HAS3: variants seen among roughly 807,000 people sequenced by gnomAD.
HAS3 encodes hyaluronan synthase 3, also known as HA synthase 3.
A neutral mutation model predicts 50.3 loss-of-function variants in HAS3; 27 were observed. The observed-to-expected ratio is 0.54, with a 90% confidence interval of 0.40 to 0.74. The LOEUF (loss-of-function observed/expected upper bound fraction) is 0.74. Among genes scored for constraint, HAS3 ranks in the 30% least tolerant of loss-of-function variants. The probability of loss-of-function intolerance (pLI) is 0.00; values close to 1 mark genes in which losing one functional copy is unlikely to be tolerated. For synonymous variants in HAS3, 339 were observed against 310.9 expected (o/e 1.09, Z -0.95); for missense variants, 517 against 742.8 (o/e 0.70, Z 3.53).
At chr16:69,112,961 A>G (rs374766112) in intron 2 of HAS3, among the ~76,000 whole-genome samples, 55 of 152,320 alleles carry the variant, frequency 3.6e-4, no homozygotes, top group African/African-American at 1.3e-3. Context: ...GGTGCCTGCA[A>G]GTAGGTAGTC....
In HAS3 at chr16:69,115,231, C is replaced by T. The variant is rs756362947; in HGVS notation, c.1627C>T (p.Pro543Ser). The change falls in exon 4 of 4, where the codon CCG (proline) becomes TCG (serine). Residue 543 changes from proline (P) to serine (S), a missense_variant. Coordinates refer to ENST00000569188, the MANE Select transcript of HAS3 (RefSeq NM_001199280.2). ...AIIARRCGKK[P>S]EQYSLAFAEV ...CATCGCCCGGCGATGTGGGAAGAAG[C>T]CGGAGCAGTACAGCTTGGCTTTTGC... 6.5e-7 allele frequency: 1 copy of T among 1,542,520 alleles called. No individual in the cohort carries two copies. The highest frequency in any genetic ancestry group is 1.3e-5 in the South Asian group (1 of 78,210).
intron 1 of HAS3, among the ~76,000 whole-genome samples, chr16:69,108,039 C>G (rs567477836): frequency 9.2e-5 from 14 of 152,296 alleles, no homozygotes; most frequent in Admixed American, 2.0e-4. Context: ...TTTCCTGAGA[C>G]CTAAGAGTTG....
Position 69,116,305 on chromosome 16 carries a change from A to T in HAS3, c.*1039A>T, listed in dbSNP as rs1215740003. 7 of 985,682 alleles carry T rather than the reference A, an allele frequency of 7.1e-6. No individual in the cohort carries two copies. Among genetic ancestry groups the T allele is most frequent in the Admixed American group, 6.1e-5 (1 of 16,268 alleles). The allele number at this position is 985,682 out of a possible 1,614,324, so 61.1% of individuals were successfully genotyped here. On this transcript the variant is annotated 3_prime_UTR_variant, in exon 4 of 4. Coordinates refer to ENST00000569188, the MANE Select transcript of HAS3 (RefSeq NM_001199280.2). ...ATTGGGGCGGAGCCCCGGCTCTTAT[A>T]GAAGCTTCAGCAGGAGGCAAGCGTG... is the stretch of plus-strand genomic sequence containing the variant.
At position 69,107,394 on chromosome 16, in the gene HAS3, G is replaced by A. The variant is rs2152254805; in HGVS notation, c.-1+1607G>A. ...GGCACACTTTGCCAAGGTAGCTGGG[G>A]TACCAGGAAGAGCAGGGCCTGGTCC... On this transcript the variant is annotated intron_variant, in intron 1 of 3. Coordinates refer to ENST00000569188, the MANE Select transcript of HAS3 (RefSeq NM_001199280.2). This position sits in a 1 kb window ranked among gnomAD's most constrained non-coding sequence, Gnocchi z 5.5. 1.0e-6 allele frequency: 1 copy of A among 985,456 alleles called. No individual in the cohort carries two copies. Among genetic ancestry groups the A allele is most frequent in the Non-Finnish European group, 1.2e-6 (1 of 829,930 alleles). The allele number at this position is 985,456 out of a possible 1,614,324, so 61.0% of individuals were successfully genotyped here.
In HAS3 at chr16:69,115,581, G is replaced by C. The variant is rs547255096; in HGVS notation, c.*315G>C. 114 of 1,077,574 alleles carry C rather than the reference G, an allele frequency of 1.1e-4. No individual in the cohort carries two copies. Among genetic ancestry groups the C allele is most frequent in the Non-Finnish European group, 1.2e-4 (110 of 889,354 alleles). The allele number at this position is 1,077,574 out of a possible 1,614,324, so 66.8% of individuals were successfully genotyped here. A position where few individuals can be genotyped will look rare whatever the true frequency, so the allele number is the denominator to read the frequency against. On this transcript the variant is annotated 3_prime_UTR_variant, in exon 4 of 4. Coordinates refer to ENST00000569188, the MANE Select transcript of HAS3 (RefSeq NM_001199280.2). ...GCACTCAGAAGTTGTGCTAAACCAAGTTAAGTCCCATTCAGTGGCAACTTG... is the reference window on the plus strand; with the variant it reads ...GCACTCAGAAGTTGTGCTAAACCAACTTAAGTCCCATTCAGTGGCAACTTG...
downstream of HAS3, chr16:69,117,697 C>T (rs575509303): frequency 1.1e-6 from 1 of 949,716 alleles, no homozygotes; most frequent in Non-Finnish European, 1.3e-6. Context: ...TGAAAGCTAG[C>T]TCTTTATTCC....
At chr16:69,095,285 C>T in the HAS3 span, among the ~76,000 whole-genome samples, 1 of 151,914 alleles carries the variant, frequency 6.6e-6, no homozygotes, top group African/African-American at 2.4e-5. Flanking sequence ...GCACCCAGCC[C>T]ATTGTGAAGT....
upstream of HAS3, chr16:69,105,430 G>C (rs921500185): frequency 6.6e-6 from 1 of 151,984 alleles, no homozygotes; most frequent in African/African-American, 2.4e-5. Flanking sequence ...CTGTCGATAA[G>C]GTCAGTTGGG....
the HAS3 span, among the ~76,000 whole-genome samples, chr16:69,086,997 C>G: frequency 6.6e-6 from 1 of 152,148 alleles, no homozygotes; most frequent in Non-Finnish European, 1.5e-5. Flanking sequence ...TGTCTTGCCT[C>G]CCATCCCCAC....
chr16:69,118,429 C>G, downstream of HAS3: 1 of 1,612,042 alleles, frequency 6.2e-7, no homozygotes. Context: ...AAGCATGGTC[C>G]GTTCACCAAC....
Position 69,109,724 on chromosome 16 carries a change from G to A in HAS3, c.329G>A (p.Arg110His), listed in dbSNP as rs372849295. 93 of 1,610,780 alleles carry A rather than the reference G, an allele frequency of 5.8e-5. No homozygotes were observed. Among genetic ancestry groups the A allele is most frequent in the Non-Finnish European group, 7.3e-5 (86 of 1,179,952 alleles). The change falls in exon 2 of 4, where the codon CGC becomes CAC. Residue 110 changes from arginine to histidine, a missense_variant. Coordinates refer to ENST00000569188, the MANE Select transcript of HAS3 (RefSeq NM_001199280.2). The surrounding 1 kb of genome is among the most constrained non-coding windows in gnomAD (Gnocchi z 5.3). Reference sequence around the variant, plus strand: ...CGCAAGTGCCTGCGCTCGGCCCAGCGCATCTCCTTCCCTGACCTCAAGGTG... The same window carrying A: ...CGCAAGTGCCTGCGCTCGGCCCAGCACATCTCCTTCCCTGACCTCAAGGTG... Reference protein sequence around the residue: ...YLRKCLRSAQRISFPDLKVVM... With the variant: ...YLRKCLRSAQHISFPDLKVVM...
chr16:69,107,694 A>C lies in HAS3; in HGVS notation c.1-1702A>C. ...GGGGGTCCCGCCGCGCCCCTTCAGC[A>C]TGTAAGCTCCGGAGGGGAATGGGGG... is the stretch of plus-strand genomic sequence containing the variant. On this transcript the variant is annotated intron_variant, in intron 1 of 3. Coordinates refer to ENST00000569188, the MANE Select transcript of HAS3 (RefSeq NM_001199280.2). The surrounding 1 kb of genome is among the most constrained non-coding windows in gnomAD (Gnocchi z 5.5). 1.0e-6 allele frequency: 1 copy of C among 985,464 alleles called. No individual in the cohort carries two copies. The highest frequency in any genetic ancestry group is 1.7e-5 in the African/African-American group (1 of 57,362). The allele number at this position is 985,464 out of a possible 1,614,324, so 61.0% of individuals were successfully genotyped here.
downstream of HAS3, chr16:69,118,532 A>G: frequency 1.1e-6 from 1 of 918,996 alleles, no homozygotes; most frequent in Non-Finnish European, 1.8e-6. Context: ...ATCCCTGAGG[A>G]AAAGTCCACA....
chr16:69,083,684 G>A, the HAS3 span: 1 of 1,547,690 alleles, frequency 6.5e-7, no homozygotes, highest in South Asian at 1.2e-5. Context: ...GGACGTGGAG[G>A]AGGCAGGCAG....
Position 69,117,137 on chromosome 16 carries a change from C to T in HAS3, c.*1871C>T, listed in dbSNP as rs760435752. 5 of 985,654 alleles carry T rather than the reference C, an allele frequency of 5.1e-6. No homozygotes were observed. Among genetic ancestry groups the T allele is most frequent in the Admixed American group, 6.1e-5 (1 of 16,274 alleles). 61.1% of individuals were successfully genotyped at this position (985,654 alleles called of 1,614,324 possible). A position where few individuals can be genotyped will look rare whatever the true frequency, so the allele number is the denominator to read the frequency against. ...CATTTGCTAAGGCAGCTGATCCAGGCAATCGTTCTGCTGGCCAAGAAGTTA... is the reference window on the plus strand; with the variant it reads ...CATTTGCTAAGGCAGCTGATCCAGGTAATCGTTCTGCTGGCCAAGAAGTTA... On this transcript the variant is annotated 3_prime_UTR_variant, in exon 4 of 4. Coordinates refer to ENST00000569188, the MANE Select transcript of HAS3 (RefSeq NM_001199280.2).
the HAS3 span, among the ~76,000 whole-genome samples, chr16:69,090,240 G>T: frequency 3.9e-5 from 6 of 152,100 alleles, no homozygotes; most frequent in African/African-American, 9.7e-5. Context: ...CTGACACATG[G>T]TCGGCGCTGC....
chr16:69,117,576 CT>C lies in HAS3; in HGVS notation c.*2326del, dbSNP rs10558208. 176,861 of 685,146 alleles carry C rather than the reference CT, an allele frequency of 0.26. 3,764 individuals carry two copies. The highest frequency in any genetic ancestry group is 0.4 in the East Asian group (2,841 of 7,148). The allele number at this position is 685,146 out of a possible 1,614,324, so 42.4% of individuals were successfully genotyped here. A position where few individuals can be genotyped will look rare whatever the true frequency, so the allele number is the denominator to read the frequency against. On this transcript the variant is annotated 3_prime_UTR_variant, in exon 4 of 4. Coordinates refer to ENST00000569188, the MANE Select transcript of HAS3 (RefSeq NM_001199280.2). ...TTGTAAACATATTTATTTTTACCTG[CT>C]TTTTTTTTTTTTTTTAATTTTCAGG...
chr16:69,118,535 A>C, downstream of HAS3: 1 of 907,022 alleles, frequency 1.1e-6, no homozygotes, highest in Non-Finnish European at 1.9e-6. Flanking sequence ...CCTGAGGAAA[A>C]GTCCACAAGA....
At chr16:69,091,589 T>C in the HAS3 span, among the ~76,000 whole-genome samples, 1 of 152,006 alleles carries the variant, frequency 6.6e-6, no homozygotes, top group East Asian at 1.9e-4. Flanking sequence ...GTTGATACCA[T>C]TCTCTAAATA....
Sources: gnomAD v4.1 joint callset for allele counts (sites outside exome capture counted in the v4.1 genomes callset) on GRCh38, gnomAD v4.1.1 for gene constraint, Gnocchi (gnomAD v3.1) non-coding constraint, MANE v1.5 for transcripts, NCBI Gene and HGNC (gene_info 2026-07-23, HGNC 2026-07-21) for gene names.